The following CYP2W1 variants were observed in gnomAD, a reference collection of about 807,000 sequenced individuals.
CYP2W1 encodes cytochrome P450 family 2 subfamily W member 1.
A neutral mutation model predicts 44.9 loss-of-function variants in CYP2W1; 51 were observed. That is an observed-to-expected ratio of 1.14 (90% CI 0.91 to 1.43). The LOEUF (loss-of-function observed/expected upper bound fraction) is 1.43, where lower values mean the gene tolerates loss of function less well. Ranked by LOEUF, CYP2W1 falls within the 40% of genes most tolerant of loss-of-function variation. The pLI is 0.00. For missense variants in CYP2W1, 746 were observed against 700.0 expected (o/e 1.07, Z -0.74); for synonymous variants, 383 against 338.3 (o/e 1.13, Z -1.45).
At chr7:986,254 G>A (rs1848335965) in intron 4 of CYP2W1, 3 of 227,200 alleles carry the variant, frequency 1.3e-5, no homozygotes, top group African/African-American at 7.0e-5. Context: ...ATACAGCCTC[G>A]TGGGCTGGCT....
chr7:983,384 A>G lies in CYP2W1; in HGVS notation c.173A>G (p.Glu58Gly). 1 of 1,504,128 alleles carries G rather than the reference A, an allele frequency of 6.6e-7. No homozygotes were observed. Among genetic ancestry groups the G allele is most frequent in the Admixed American group, 2.0e-5 (1 of 49,140 alleles). The allele number at this position is 1,504,128 out of a possible 1,614,324, so 93.2% of individuals were successfully genotyped here. ...TCGCAACAGGACCGGTCCCTGATGG[A>G]GGTAAGTCAGGGAGCCCGGGCAGCT... ...RLSQQDRSLM[E>G]LSERYGPVFT... is the part of the protein sequence containing the mutation. The change falls in exon 1 of 9, where the codon GAG becomes GGG. Residue 58 changes from glutamate (E) to glycine (G), a missense_variant and splice_region_variant. Transcript: ENST00000308919.
chr7:984,669 G>C, intron 2 of CYP2W1, 95 bp downstream of exon 2: 3 of 1,474,834 alleles, frequency 2.0e-6, no homozygotes, highest in South Asian at 1.3e-5. Flanking sequence ...AGGCTCCCAG[G>C]GTGGCCTGGG....
chr7:984,833 G>A (rs554328662), intron 2 of CYP2W1, 117 bp from the exon 3 acceptor site: 53 of 1,376,348 alleles, frequency 3.9e-5, no homozygotes, highest in Non-Finnish European at 5.1e-5. Context: ...GTGGGGATGG[G>A]GGTGAGGGCC....
chr7:985,256 C>G lies in CYP2W1; in HGVS notation c.578C>G (p.Pro193Arg). Residue 193 changes from proline (P) to arginine (R), a missense_variant, in exon 4 of 9, where the codon CCC becomes CGC. Physicochemically the swap from Pro to Arg is moderately radical, Grantham distance 103 (BLOSUM62 -2). Transcript: ENST00000308919. ...GGCCGCCGATTTGACTACCGGGACC[C>G]CGTGTTTGTGTCCCTGCTGGGTCTC... Reference protein sequence around the residue: ...LFGRRFDYRDPVFVSLLGLID... With the variant: ...LFGRRFDYRDRVFVSLLGLID... 1 of 1,551,982 alleles carries G rather than the reference C, an allele frequency of 6.4e-7. No individual in the cohort carries two copies. The highest frequency in any genetic ancestry group is 1.2e-5 in the South Asian group (1 of 84,216).
Position 988,415 on chromosome 7 carries a change from G to A in CYP2W1, c.1282G>A (p.Ala428Thr), listed in dbSNP as rs140129057. Reference protein sequence around the residue: ...VKREAFLPFSAGRRVCVGERL... With the variant: ...VKREAFLPFSTGRRVCVGERL... The stretch of plus-strand genomic sequence containing the variant: ...GCGGGAGGCCTTCCTGCCTTTCTCT[G>A]CAGGTCAGCAGCCCTCGGGGCCGGG... The change falls in exon 8 of 9, where the codon GCA becomes ACA. Residue 428 changes from alanine to threonine, a missense_variant. Coordinates refer to ENST00000308919, the MANE Select transcript of CYP2W1 (RefSeq NM_017781.3). 3.7e-6 allele frequency: 6 copies of A among 1,612,408 alleles called. No individual in the cohort carries two copies. In the African/African-American group the frequency reaches 6.7e-5, roughly 18 times the overall value.
chr7:987,348 C>T lies in CYP2W1; in HGVS notation c.960C>T (p.Gly320=). ...LLMGRHPDVQ[G]RVQEELDRVL... The stretch of plus-strand genomic sequence containing the variant: ...CAAGCGGCCCACCCTTTGCCCCAGG[C>T]CGGGTGCAGGAGGAGCTAGACCGCG... The change falls in exon 7 of 9, where the codon GGC becomes GGT. Residue 320 remains glycine, a splice_region_variant and synonymous_variant. Transcript: ENST00000308919. 6.4e-7 allele frequency: 1 copy of T among 1,574,286 alleles called. No homozygotes were observed. The highest frequency in any genetic ancestry group is 8.6e-7 in the Non-Finnish European group (1 of 1,163,238).
intron 4 of CYP2W1, among the ~76,000 whole-genome samples, chr7:986,168 G>A (rs1025949697): frequency 6.6e-6 from 1 of 152,172 alleles, no homozygotes; most frequent in Non-Finnish European, 1.5e-5. Context: ...GCCCCAGGAA[G>A]GCGAGTGGCA....
chr7:986,965 T>C (rs948899375), intron 5 of CYP2W1, 142 bp from the exon 6 acceptor site: 1 of 1,329,050 alleles, frequency 7.5e-7, no homozygotes, highest in Admixed American at 2.9e-5. Context: ...GGGGCATCCA[T>C]AGTGCCTGCC....
intron 4 of CYP2W1, among the ~76,000 whole-genome samples, chr7:985,851 C>T (rs1055356047): frequency 6.6e-6 from 1 of 152,198 alleles, no homozygotes; most frequent in Non-Finnish European, 1.5e-5. Context: ...ACGGCTGGAC[C>T]CAGAGACCAC....
At chr7:984,906 T>C (rs1562953116) in intron 2 of CYP2W1, 44 bp from the exon 3 acceptor site, 3 of 1,537,650 alleles carry the variant, frequency 2.0e-6, no homozygotes, top group Non-Finnish European at 2.6e-6. Context: ...CGGGGCTGGC[T>C]GGGGTGGGAA....
In CYP2W1 at chr7:984,520, G is replaced by T; in HGVS notation, c.283G>T (p.Glu95Ter). The T allele has an allele frequency of 6.4e-7, 1 of 1,553,182 alleles. No individual in the cohort carries two copies. The highest frequency in any genetic ancestry group is 8.7e-7 in the Non-Finnish European group (1 of 1,149,636). Residue 95 changes from glutamate to a stop codon, truncating the protein, a stop_gained, in exon 2 of 9, where the codon GAG (glutamate) becomes TAG (stop). Coordinates refer to ENST00000308919, the MANE Select transcript of CYP2W1 (RefSeq NM_017781.3). LOFTEE classifies it high-confidence loss of function. The part of the protein sequence containing the change: ...VKEALAGPGQ[E>*]LADRPPIAIF... ...AGAGGCGCTGGCGGGCCCCGGGCAG[G>T]AGCTGGCCGACCGGCCTCCCATCGC... is the stretch of plus-strand genomic sequence containing the variant.
In CYP2W1 at chr7:985,107, G is replaced by A. The variant is rs1043390906; in HGVS notation, c.487+8G>A. On this transcript the variant is annotated splice_region_variant and intron_variant, in intron 3 of 8. Transcript: ENST00000308919. ...AGCTGGATGGCTACAGAGGTGAGCA[G>A]GGGGCCGGGGACGCCCCTCCCCGGG... 2 of 1,610,842 alleles carry A rather than the reference G, an allele frequency of 1.2e-6. No homozygotes were observed. Among genetic ancestry groups the A allele is most frequent in the Non-Finnish European group, 8.5e-7 (1 of 1,179,098 alleles).
intron 4 of CYP2W1, 181 bp from the exon 5 acceptor site, chr7:986,443 G>T (rs1335386775): frequency 5.9e-6 from 4 of 675,566 alleles, no homozygotes; most frequent in Non-Finnish European, 1.0e-5. Flanking sequence ...CGGACAGGGG[G>T]TTTCCTGGCA....
At chr7:988,228 T>C (rs1848541294) in intron 7 of CYP2W1, 49 bp from the exon 8 acceptor site, 2 of 1,534,978 alleles carry the variant, frequency 1.3e-6, no homozygotes, top group African/African-American at 1.4e-5. Flanking sequence ...CCAGGCCCCA[T>C]CCCATCTTCC....
intron 4 of CYP2W1, 171 bp from the exon 5 acceptor site, chr7:986,453 A>C: frequency 1.4e-6 from 1 of 711,488 alleles, no homozygotes; most frequent in Non-Finnish European, 2.3e-6. Context: ...GTTTCCTGGC[A>C]GTTCCTGGTC....
rs1848249791 is a variant in CYP2W1, at chr7:985,299, C to T, written c.621C>T (p.Val207=). Residue 207 remains valine (V), a synonymous_variant, in exon 4 of 9, where the codon GTC becomes GTT. Transcript: ENST00000308919. ...SLLGLIDEVM[V]LLGSPGLQLF... is the part of the protein sequence containing the mutation. ...TGGGTCTCATCGATGAGGTCATGGT[C>T]CTCTTGGGGTCCCCTGGCCTGCAGG... The T allele has an allele frequency of 1.3e-6, 2 of 1,551,386 alleles. No homozygotes were observed. Among genetic ancestry groups the T allele is most frequent in the Non-Finnish European group, 1.7e-6 (2 of 1,147,284 alleles).
chr7:985,614 C>T (rs915584926), intron 4 of CYP2W1, among the ~76,000 whole-genome samples: 1 of 152,166 alleles, frequency 6.6e-6, no homozygotes, highest in African/African-American at 2.4e-5. Flanking sequence ...GCATGGCTTC[C>T]CCAGAATTGC....
chr7:984,865 C>T, intron 2 of CYP2W1, 85 bp from the exon 3 acceptor site: 1 of 1,491,310 alleles, frequency 6.7e-7, no homozygotes, highest in East Asian at 2.3e-5. Flanking sequence ...GCTGCCCTGT[C>T]AGCCTGCTCA....
Position 984,988 on chromosome 7 carries a change from C to T in CYP2W1, c.376C>T (p.Arg126Cys), listed in dbSNP as rs1848216230. The stretch of plus-strand genomic sequence containing the variant: ...ATCTGGGGCGCGCTGGAGGGCTGCC[C>T]GCCAGTTCACGGTGCGTGCCCTGCA... ...FSSGARWRAA[R>C]QFTVRALHSL... The change falls in exon 3 of 9, where the codon CGC (arginine) becomes TGC (cysteine). Residue 126 changes from arginine (R) to cysteine (C), a missense_variant. Coordinates refer to ENST00000308919, the MANE Select transcript of CYP2W1 (RefSeq NM_017781.3). 11 of 1,609,710 alleles carry T rather than the reference C, an allele frequency of 6.8e-6. No individual in the cohort carries two copies. The highest frequency in any genetic ancestry group is 4.5e-5 in the East Asian group (2 of 44,866).
Sources: gnomAD v4.1 joint callset for allele counts (sites outside exome capture counted in the v4.1 genomes callset) on GRCh38, gnomAD v4.1.1 for gene constraint, MANE v1.5 for transcripts, NCBI Gene and HGNC (gene_info 2026-07-23, HGNC 2026-07-21) for gene names.